The following EIF2AK2 variants were observed in gnomAD, a reference collection of about 807,000 sequenced individuals.
The protein encoded by EIF2AK2 is interferon-induced, double-stranded RNA-activated protein kinase.
EIF2AK2 carries 40 observed loss-of-function variants against 70.5 expected under a neutral mutation model. The ratio of observed to expected loss-of-function variants is 0.57; its 90% CI spans 0.44 to 0.74. The LOEUF is 0.74. EIF2AK2 is among the 30% of genes least tolerant of loss of function. The probability of loss-of-function intolerance (pLI) is 0.00; values close to 1 mark genes in which losing one functional copy is unlikely to be tolerated. For synonymous variants in EIF2AK2, 198 were observed against 220.9 expected, an observed-to-expected ratio of 0.90 and a Z score of 0.92; for missense variants, 555 against 644.3, an observed-to-expected ratio of 0.86 and a Z score of 1.50.
At chr2:37,155,741 A>T (rs1300137039) in intron 1 of EIF2AK2, among the ~76,000 whole-genome samples, 3 of 152,108 alleles carry the variant, frequency 2.0e-5, no homozygotes, top group African/African-American at 7.2e-5. Flanking sequence ...AGCAGACTAC[A>T]TACAGCCTGG....
chr2:37,149,868 T>G (rs528176241), intron 1 of EIF2AK2, among the ~76,000 whole-genome samples: 1 of 152,324 alleles, frequency 6.6e-6, no homozygotes, highest in South Asian at 2.1e-4. Context: ...AGCACGTAGT[T>G]ACACTGTCTC....
At chr2:37,111,881 ATATATATATAT>A (rs1674167976) in intron 14 of EIF2AK2, among the ~76,000 whole-genome samples, 31 of 44,372 alleles carry the variant, frequency 7.0e-4, no homozygotes, top group South Asian at 1.0e-3. Flanking sequence ...AAAAAAAAAT[ATATATATATAT>A]ATATATATAT....
chr2:37,149,311 G>A (rs1675662928), intron 1 of EIF2AK2: 2 of 994,840 alleles, frequency 2.0e-6, no homozygotes, highest in Admixed American at 1.8e-5. Context: ...ATAATCTGTG[G>A]TATCAAACTA....
In EIF2AK2 at chr2:37,152,623, T is replaced by C. The variant is rs78860055; in HGVS notation, c.-183-3600A>G. Reference sequence around the variant, plus strand: ...ACACCTTAATCTTTGTAGCTCTAAATGCTGGCATGGCCCAACAATCCTCTT... The same window carrying C: ...ACACCTTAATCTTTGTAGCTCTAAACGCTGGCATGGCCCAACAATCCTCTT... On this transcript the variant is annotated intron_variant, in intron 1 of 16. Transcript: ENST00000233057. Among the ~76,000 whole-genome samples the C allele has an allele frequency of 4.9e-3, 752 of 152,336 alleles. 12 individuals carry two copies. Among genetic ancestry groups the C allele is most frequent in the African/African-American group, 0.017 (714 of 41,574 alleles).
Position 37,147,784 on chromosome 2 carries a change from C to T in EIF2AK2, c.23G>A (p.Gly8Asp). The change falls in exon 3 of 17, where the codon GGT (glycine) becomes GAT (aspartate). Residue 8 changes from glycine (G) to aspartate (D), a missense_variant. Gly to Asp is a moderately conservative substitution (Grantham distance 94). This residue lies in a region of EIF2AK2 where 48 missense variants were observed against 77.1 expected (regional missense o/e 0.62). Transcript: ENST00000233057. ...TGTATTAAGTTCCTCCATGAAGAAA[C>T]CTGCTGAAAGATCACCAGCCATTTC... Reference protein sequence around the residue: MAGDLSAGFFMEELNTYR... With the variant: MAGDLSADFFMEELNTYR... The T allele has an allele frequency of 6.2e-7, 1 of 1,613,184 alleles. No homozygotes were observed. Among genetic ancestry groups the T allele is most frequent in the East Asian group, 2.2e-5 (1 of 44,828 alleles).
chr2:37,137,259 G>A (rs745831487), intron 8 of EIF2AK2, among the ~76,000 whole-genome samples: 4 of 152,118 alleles, frequency 2.6e-5, no homozygotes, highest in Non-Finnish European at 4.4e-5. Flanking sequence ...TCCTAGTAAA[G>A]CAGCTTTTAA....
chr2:37,148,771 C>CA (rs1337781812), intron 2 of EIF2AK2, 86 bp downstream of exon 2: 2 of 823,384 alleles, frequency 2.4e-6, no homozygotes, highest in Non-Finnish European at 2.2e-6. Context: ...TTAACATACA[C>CA]AAAAAACTAG....
intron 6 of EIF2AK2, among the ~76,000 whole-genome samples, 186 bp downstream of exon 6, chr2:37,139,445 C>T (rs1284045179): frequency 6.6e-6 from 1 of 152,142 alleles, no homozygotes; most frequent in Non-Finnish European, 1.5e-5. Flanking sequence ...TGAGTTGCCA[C>T]CAGAAATTTT....
Position 37,107,088 on chromosome 2 carries a change from G to T in EIF2AK2, c.*185C>A, listed in dbSNP as rs1350555676. 8.4e-6 allele frequency: 6 copies of T among 718,284 alleles called. No homozygotes were observed. The highest frequency in any genetic ancestry group is 1.0e-5 in the Non-Finnish European group (5 of 493,512). The allele number at this position is 718,284 out of a possible 1,614,324, so 44.5% of individuals were successfully genotyped here. A position where few individuals can be genotyped will look rare whatever the true frequency, so the allele number is the denominator to read the frequency against. On this transcript the variant is annotated 3_prime_UTR_variant, in exon 17 of 17. Coordinates refer to ENST00000233057, the MANE Select transcript of EIF2AK2 (RefSeq NM_001135651.3). ...GAGATGAGCCAGGAAAAAGTAAAAT[G>T]TAAGAATGTTTTTGAAGCAAAAAGA...
rs775749012 is a variant in EIF2AK2 at position 37,122,690 on chromosome 2, G to A, written c.909-26C>T. On this transcript the variant is annotated intron_variant, in intron 11 of 16. Transcript: ENST00000233057. Reference sequence around the variant, plus strand: ...CTAGTTAAAAGGAACAGGGAACATGGCAGTGTCAGTGTACATCCCTCATAA... The same window carrying A: ...CTAGTTAAAAGGAACAGGGAACATGACAGTGTCAGTGTACATCCCTCATAA... 6.8e-6 allele frequency: 11 copies of A among 1,613,840 alleles called. No individual in the cohort carries two copies. In the South Asian group the frequency reaches 1.2e-4, roughly 18 times the overall value.
At chr2:37,120,276 G>C in intron 12 of EIF2AK2, 137 bp from the exon 13 acceptor site, 3 of 494,282 alleles carry the variant, frequency 6.1e-6, no homozygotes, top group Non-Finnish European at 8.9e-6. Context: ...AAAACACTTT[G>C]GGAGGCCGAG....
chr2:37,122,702 T>A, intron 11 of EIF2AK2, 38 bp from the exon 12 acceptor site: 3 of 1,612,458 alleles, frequency 1.9e-6, no homozygotes, highest in South Asian at 2.2e-5. Context: ...AGTGTCAGTG[T>A]ACATCCCTCA....
chr2:37,137,888 A>G (rs1675183114), intron 8 of EIF2AK2, among the ~76,000 whole-genome samples: 1 of 152,140 alleles, frequency 6.6e-6, no homozygotes, highest in South Asian at 2.1e-4. Flanking sequence ...CGAGGTGGGC[A>G]GAACACGAGG....
chr2:37,130,645 C>G (rs1674908090), intron 10 of EIF2AK2, among the ~76,000 whole-genome samples: 1 of 152,202 alleles, frequency 6.6e-6, no homozygotes, highest in African/African-American at 2.4e-5. Context: ...TTCCTCCTCT[C>G]AAAACCTTTT....
At chr2:37,132,935 A>G (rs1674999324) in intron 10 of EIF2AK2, among the ~76,000 whole-genome samples, 1 of 152,210 alleles carries the variant, frequency 6.6e-6, no homozygotes, top group Non-Finnish European at 1.5e-5. Context: ...AAACCAACAA[A>G]TGAGCTTCGA....
At chr2:37,133,915 C>T (rs1372029663) in intron 10 of EIF2AK2, among the ~76,000 whole-genome samples, 1 of 152,110 alleles carries the variant, frequency 6.6e-6, no homozygotes, top group African/African-American at 2.4e-5. Flanking sequence ...TTGTTTCTTT[C>T]TATCTAAATT....
intron 2 of EIF2AK2, 139 bp from the exon 3 acceptor site, chr2:37,147,961 A>T: frequency 2.0e-6 from 1 of 505,414 alleles, no homozygotes; most frequent in Non-Finnish European, 3.6e-6. Flanking sequence ...AAATGCAGAG[A>T]CTTTCTTTCA....
intron 4 of EIF2AK2, among the ~76,000 whole-genome samples, chr2:37,143,898 A>G (rs183393709): frequency 1.2e-4 from 19 of 152,158 alleles, no homozygotes; most frequent in African/African-American, 3.1e-4. Flanking sequence ...AAACGACAAC[A>G]ACAACAACAA....
intron 12 of EIF2AK2, among the ~76,000 whole-genome samples, chr2:37,120,958 T>C (rs1372581214): frequency 8.1e-6 from 1 of 123,426 alleles, no homozygotes; most frequent in African/African-American, 2.8e-5. Flanking sequence ...AGTAAGACTC[T>C]GTCTCAAAAA....
Sources: gnomAD v4.1 joint callset for allele counts (sites outside exome capture counted in the v4.1 genomes callset) on GRCh38, gnomAD v4.1.1 for gene constraint, gnomAD v4.1.1 regional missense constraint, MANE v1.5 for transcripts, NCBI Gene and HGNC (gene_info 2026-07-23, HGNC 2026-07-21) for gene names.